KPNA6: variants seen among roughly 807,000 people sequenced by gnomAD.
KPNA6 encodes the protein karyopherin subunit alpha 6, also known as importin subunit alpha-7.
In KPNA6, 9 loss-of-function variants were observed where a neutral mutation model predicts 72.0. The ratio of observed to expected loss-of-function variants is 0.13; its 90% CI spans 0.08 to 0.22. The LOEUF (loss-of-function observed/expected upper bound fraction) is 0.22. Ranked by LOEUF, KPNA6 falls within the 10% of genes least tolerant of loss-of-function variation. The pLI is 1.00. For synonymous variants in KPNA6, 219 were observed against 242.1 expected, an observed-to-expected ratio of 0.90 and a Z score of 0.89; for missense variants, 374 against 655.7, an observed-to-expected ratio of 0.57 and a Z score of 4.69.
rs192421864 is a variant in KPNA6, at chr1:32,134,744, A to C, written c.5-19844A>C. 3.1e-3 allele frequency among the ~76,000 whole-genome samples: 469 copies of C among 152,174 alleles called. 3 individuals are homozygous for C. Among genetic ancestry groups the C allele is most frequent in the Non-Finnish European group, 4.1e-3 (278 of 68,006 alleles). ...GTGAAAGAAGCCAGTCAAAGACCACATATTGTATGGTTCTATTTAAATGAA... is the reference window on the plus strand; with the variant it reads ...GTGAAAGAAGCCAGTCAAAGACCACCTATTGTATGGTTCTATTTAAATGAA... On this transcript the variant is annotated intron_variant, in intron 1 of 13. Coordinates refer to ENST00000373625, the MANE Select transcript of KPNA6 (RefSeq NM_012316.5).
rs529213918 is a variant in KPNA6, at chr1:32,117,577, C to T, written c.4+9443C>T. Among the ~76,000 whole-genome samples, 5 of 152,098 alleles carry T rather than the reference C, an allele frequency of 3.3e-5. No individual in the cohort carries two copies. In the South Asian group the frequency reaches 1.0e-3, roughly 32 times the overall value. ...GGCTAAGGCAGGTGAAACTCTTGAG[C>T]TCAGCAGTTTGAGACCAGCCTGGGC... is the stretch of plus-strand genomic sequence containing the variant. On this transcript the variant is annotated intron_variant, in intron 1 of 13. Coordinates refer to ENST00000373625, the MANE Select transcript of KPNA6 (RefSeq NM_012316.5).
Position 32,147,550 on chromosome 1 carries a change from G to C in KPNA6, c.5-7038G>C, listed in dbSNP as rs554033268. Reference sequence around the variant, plus strand: ...TGGGCTCAAGTAATCGTCTGGCCTTGTCCTCCCAAAGTGCTGGGATTACAG... The same window carrying C: ...TGGGCTCAAGTAATCGTCTGGCCTTCTCCTCCCAAAGTGCTGGGATTACAG... On this transcript the variant is annotated intron_variant, in intron 1 of 13. Coordinates refer to ENST00000373625, the MANE Select transcript of KPNA6 (RefSeq NM_012316.5). Among the ~76,000 whole-genome samples the C allele has an allele frequency of 3.3e-5, 5 of 151,192 alleles. No homozygotes were observed. In the East Asian group the frequency reaches 9.8e-4, roughly 30 times the overall value.
In KPNA6 at chr1:32,108,117, C is replaced by T. The variant is rs369816810; in HGVS notation, c.-14C>T. 26 of 1,613,814 alleles carry T rather than the reference C, an allele frequency of 1.6e-5. No homozygotes were observed. In the African/African-American group the frequency reaches 3.1e-4, roughly 19 times the overall value. On this transcript the variant is annotated 5_prime_UTR_variant, in exon 1 of 14. Transcript: ENST00000373625. ...CGTTGCCTCCGCCGCCAAGAGTGAG[C>T]GAGCGGACCCGCGATGGGTGAGTGA...
chr1:32,136,516 T>A (rs1173604176), intron 1 of KPNA6, among the ~76,000 whole-genome samples: 1 of 152,128 alleles, frequency 6.6e-6, no homozygotes, highest in Non-Finnish European at 1.5e-5. Flanking sequence ...ATGGGACTCA[T>A]GTAAGTTAGT....
chr1:32,172,829 A>C lies in KPNA6; in HGVS notation c.*1935A>C. 1 of 338,970 alleles carries C rather than the reference A, an allele frequency of 3.0e-6. No individual in the cohort carries two copies. Among genetic ancestry groups the C allele is most frequent in the Non-Finnish European group, 5.3e-6 (1 of 190,142 alleles). 21.0% of individuals were successfully genotyped at this position (338,970 alleles called of 1,614,324 possible). A position where few individuals can be genotyped will look rare whatever the true frequency, so the allele number is the denominator to read the frequency against. On this transcript the variant is annotated 3_prime_UTR_variant, in exon 14 of 14. Transcript: ENST00000373625. ...CTTTTCCTTCCTCTGAAACAATGCC[A>C]TTCTTGCTTCTATTGCTACACATCT...
rs1642104398 is a variant in KPNA6 at position 32,154,652 on chromosome 1, C to T, written c.69C>T (p.Asn23=). The T allele has an allele frequency of 1.2e-6, 2 of 1,613,878 alleles. No individual in the cohort carries two copies. Among genetic ancestry groups the T allele is most frequent in the African/African-American group, 2.7e-5 (2 of 74,892 alleles). The change falls in exon 2 of 14, where the codon AAC becomes AAT. Residue 23 remains asparagine, a synonymous_variant. Coordinates refer to ENST00000373625, the MANE Select transcript of KPNA6 (RefSeq NM_012316.5). ...AGAGCTATAAGAACAATGCTCTAAA[C>T]CCTGAAGAAATGAGACGAAGAAGAG... ...RMKSYKNNAL[N]PEEMRRRREE...
Position 32,172,141 on chromosome 1 carries a change from T to C in KPNA6, c.*1247T>C, listed in dbSNP as rs1642450286. On this transcript the variant is annotated 3_prime_UTR_variant, in exon 14 of 14. Coordinates refer to ENST00000373625, the MANE Select transcript of KPNA6 (RefSeq NM_012316.5). ...TCTGTCATTTCGGTAAGTAGGATAC[T>C]GTGAGGAAGACCAAAAAGAGATATG... is the stretch of plus-strand genomic sequence containing the variant. The C allele has an allele frequency of 1.3e-5, 2 of 152,220 alleles. No homozygotes were observed. The highest frequency in any genetic ancestry group is 1.3e-4 in the Admixed American group (2 of 15,274). 9.4% of individuals were successfully genotyped at this position (152,220 alleles called of 1,614,324 possible). A position where few individuals can be genotyped will look rare whatever the true frequency, so the allele number is the denominator to read the frequency against.
chr1:32,162,002 T>A lies in KPNA6; in HGVS notation c.703T>A (p.Ser235Thr). ...GACACGGAATGCAGTCTGGGCCCTGTCAAATCTCTGCCGAGGGAAAAACCC... is the reference window on the plus strand; with the variant it reads ...GACACGGAATGCAGTCTGGGCCCTGACAAATCTCTGCCGAGGGAAAAACCC... ...TMTRNAVWAL[S>T]NLCRGKNPPP... Residue 235 changes from serine (S) to threonine (T), a missense_variant, in exon 8 of 14, where the codon TCA becomes ACA. Ser to Thr is a moderately conservative substitution (Grantham distance 58, BLOSUM62 1). Around this residue, in one of 3 missense-constraint regions of KPNA6, gnomAD observed 298 missense variants for 495.4 expected, o/e 0.60. Coordinates refer to ENST00000373625, the MANE Select transcript of KPNA6 (RefSeq NM_012316.5). The A allele has an allele frequency of 6.2e-7, 1 of 1,614,118 alleles. No individual in the cohort carries two copies. The highest frequency in any genetic ancestry group is 8.5e-7 in the Non-Finnish European group (1 of 1,180,012).
At chr1:32,141,633 A>G (rs564477163) in intron 1 of KPNA6, among the ~76,000 whole-genome samples, 24 of 151,818 alleles carry the variant, frequency 1.6e-4, no homozygotes, top group Admixed American at 2.0e-4. Flanking sequence ...CTGAACTCAG[A>G]TGATCCACCC....
chr1:32,134,324 T>G (rs1196128253), intron 1 of KPNA6, among the ~76,000 whole-genome samples: 3 of 151,650 alleles, frequency 2.0e-5, no homozygotes, highest in South Asian at 4.2e-4. Flanking sequence ...ATTAAGATAT[T>G]TCCAGATAAA....
intron 1 of KPNA6, among the ~76,000 whole-genome samples, chr1:32,128,356 AAT>A (rs1273388794): frequency 1.5e-5 from 2 of 136,318 alleles, no homozygotes; most frequent in Non-Finnish European, 3.2e-5. Context: ...AAGAACTAGG[AAT>A]ATATATATTT....
At position 32,173,173 on chromosome 1, in the gene KPNA6, T is replaced by A. The variant is rs1353946066; in HGVS notation, c.*2279T>A. On this transcript the variant is annotated 3_prime_UTR_variant, in exon 14 of 14. Coordinates refer to ENST00000373625, the MANE Select transcript of KPNA6 (RefSeq NM_012316.5). ...ATTAAAAAACCATTCTCTTACAGTT[T>A]AAAAAAAAAAAAAAAAAAAAAGCCT... is the stretch of plus-strand genomic sequence containing the variant. 46 of 320,132 alleles carry A rather than the reference T, an allele frequency of 1.4e-4. No individual in the cohort carries two copies. The highest frequency in any genetic ancestry group is 9.2e-4 in the African/African-American group (30 of 32,770). The allele number at this position is 320,132 out of a possible 1,614,324, so 19.8% of individuals were successfully genotyped here. A position where few individuals can be genotyped will look rare whatever the true frequency, so the allele number is the denominator to read the frequency against.
chr1:32,118,992 GTATACATATATATATA>G (rs1641375295), intron 1 of KPNA6, among the ~76,000 whole-genome samples: 1 of 83,234 alleles, frequency 1.2e-5, no homozygotes, highest in Non-Finnish European at 2.3e-5. Context: ...GTGTGTGTGT[GTATACATATATATATA>G]TATATATATA....
intron 1 of KPNA6, among the ~76,000 whole-genome samples, chr1:32,146,149 A>T (rs1476098359): frequency 1.3e-5 from 2 of 152,202 alleles, no homozygotes; most frequent in Non-Finnish European, 2.9e-5. Context: ...TCTGTTACTT[A>T]TCGATCTTCT....
At chr1:32,166,517 C>T (rs1335370297) in intron 11 of KPNA6, among the ~76,000 whole-genome samples, 3 of 149,886 alleles carry the variant, frequency 2.0e-5, no homozygotes, top group African/African-American at 4.9e-5. Flanking sequence ...CTCAGCTATT[C>T]GGGAGGCTGA....
chr1:32,117,945 T>G (rs748032689), intron 1 of KPNA6, among the ~76,000 whole-genome samples: 1 of 152,054 alleles, frequency 6.6e-6, no homozygotes, highest in African/African-American at 2.4e-5. Context: ...TAATTTGATA[T>G]GGAGTTTCGC....
chr1:32,157,294 C>T, intron 3 of KPNA6, 52 bp from the exon 4 acceptor site: 3 of 1,384,058 alleles, frequency 2.2e-6, no homozygotes, highest in East Asian at 2.3e-5. Flanking sequence ...TATGTGCTCA[C>T]ATCTGGCTCT....
chr1:32,116,502 T>C (rs1641331556), intron 1 of KPNA6, among the ~76,000 whole-genome samples: 1 of 151,962 alleles, frequency 6.6e-6, no homozygotes, highest in African/African-American at 2.4e-5. Context: ...CTACTAAAAA[T>C]ACAAAATTAG....
chr1:32,170,641 GT>G, intron 13 of KPNA6, 65 bp from the exon 14 acceptor site: 1 of 1,376,612 alleles, frequency 7.3e-7, no homozygotes, highest in Middle Eastern at 1.8e-4. Flanking sequence ...GGAAAAATAG[GT>G]AAATGTTTCA....
Sources: allele counts gnomAD v4.1 joint callset (sites outside exome capture counted in the v4.1 genomes callset), GRCh38; gene constraint gnomAD v4.1.1; regional missense constraint gnomAD v4.1.1; transcripts MANE v1.5; gene names NCBI Gene and HGNC (gene_info 2026-07-23, HGNC 2026-07-21).